ZFYVE28: variants seen among roughly 807,000 people sequenced by gnomAD.
The protein encoded by ZFYVE28 is lateral signaling target protein 2 homolog.
A neutral mutation model predicts 82.1 loss-of-function variants in ZFYVE28; 40 were observed. The observed-to-expected ratio is 0.49, with a 90% confidence interval of 0.38 to 0.63. The LOEUF is 0.63. Among genes scored for constraint, ZFYVE28 ranks in the 30% least tolerant of loss-of-function variants. ZFYVE28 has a pLI of 0.00. For missense variants in ZFYVE28, 1,321 were observed against 1,242.1 expected (o/e 1.06, Z -0.96); for synonymous variants, 612 against 546.1 (o/e 1.12, Z -1.68).
At chr4:2,415,425 G>A (rs926840631) in intron 1 of ZFYVE28, among the ~76,000 whole-genome samples, 1 of 143,324 alleles carries the variant, frequency 7.0e-6, no homozygotes, top group Non-Finnish European at 1.5e-5. Flanking sequence ...GAGTCCAGCC[G>A]GGGCAACATA....
intron 1 of ZFYVE28, among the ~76,000 whole-genome samples, chr4:2,400,925 G>C (rs1020263832): frequency 6.6e-6 from 1 of 152,144 alleles, no homozygotes; most frequent in African/African-American, 2.4e-5. Context: ...AATCCAATCA[G>C]GTTGGCAGTA....
intron 8 of ZFYVE28, among the ~76,000 whole-genome samples, chr4:2,291,687 C>T (rs144917560): frequency 6.6e-6 from 1 of 152,184 alleles, no homozygotes; most frequent in Non-Finnish European, 1.5e-5. Flanking sequence ...GCACTACAGG[C>T]CTGGACTCTG....
chr4:2,364,790 C>T, intron 1 of ZFYVE28: 9 of 985,556 alleles, frequency 9.1e-6, no homozygotes, highest in Non-Finnish European at 9.6e-6. Flanking sequence ...CGCCCACGGC[C>T]TCCGAGCGGG....
At chr4:2,290,927 T>C (rs997758170) in intron 8 of ZFYVE28, among the ~76,000 whole-genome samples, 1 of 152,194 alleles carries the variant, frequency 6.6e-6, no homozygotes, top group South Asian at 2.1e-4. Context: ...ATCCCACTAT[T>C]ATTATGGTCT....
chr4:2,368,006 A>C (rs1443931538), intron 1 of ZFYVE28, among the ~76,000 whole-genome samples: 1 of 152,152 alleles, frequency 6.6e-6, no homozygotes, highest in Non-Finnish European at 1.5e-5. Flanking sequence ...AGACAAGCCC[A>C]GGCTCTGCTG....
intron 1 of ZFYVE28, among the ~76,000 whole-genome samples, chr4:2,385,791 A>T (rs1209475344): frequency 1.3e-5 from 2 of 151,526 alleles, no homozygotes; most frequent in Non-Finnish European, 2.9e-5. Flanking sequence ...ACCCTCTCAC[A>T]CCCCCACTCC....
At chr4:2,399,047 C>CACAAGCGTGGAGGTGAGATCCAGGGG (rs1226678148) in intron 1 of ZFYVE28, among the ~76,000 whole-genome samples, 1 of 120,412 alleles carries the variant, frequency 8.3e-6, no homozygotes, top group South Asian at 2.5e-4. Context: ...AGATCCAGGG[C>CACAAGCGTGGAGGTGAGATCCAGGGG]ACAAGCGTGG....
intron 8 of ZFYVE28, among the ~76,000 whole-genome samples, chr4:2,281,896 A>G (rs17818992): frequency 0.039 from 5,899 of 152,312 alleles, 196 homozygotes; most frequent in African/African-American, 0.083. Flanking sequence ...CACATTAACA[A>G]TACAGAGCCG....
chr4:2,318,658 G>A lies in ZFYVE28; in HGVS notation c.803+1512C>T, dbSNP rs560675287. Among the ~76,000 whole-genome samples, 3 of 152,314 alleles carry A rather than the reference G, an allele frequency of 2.0e-5. No individual in the cohort carries two copies. The East Asian group carries it at 5.8e-4, about 29-fold the overall frequency. ...CATCGGGGCGGCAGGGCCAGCCTGT[G>A]GGTGCACACCTGGGTCCCCGCTGCC... On this transcript the variant is annotated intron_variant, in intron 7 of 12. Coordinates refer to ENST00000290974, the MANE Select transcript of ZFYVE28 (RefSeq NM_020972.3).
intron 1 of ZFYVE28, among the ~76,000 whole-genome samples, chr4:2,407,560 C>T (rs1188003394): frequency 6.6e-6 from 1 of 152,086 alleles, no homozygotes; most frequent in Non-Finnish European, 1.5e-5. Flanking sequence ...CCCCTGTTTT[C>T]GCTCCTGAAG....
intron 1 of ZFYVE28, among the ~76,000 whole-genome samples, chr4:2,360,004 C>T (rs1288131504): frequency 1.3e-5 from 2 of 152,326 alleles, no homozygotes; most frequent in East Asian, 1.9e-4. Flanking sequence ...AGCCTTTACC[C>T]ACCCCGGACA....
At chr4:2,327,229 G>C (rs1719963966) in intron 6 of ZFYVE28, among the ~76,000 whole-genome samples, 1 of 134,862 alleles carries the variant, frequency 7.4e-6, no homozygotes, top group African/African-American at 2.8e-5. Context: ...CAGCCTGGGT[G>C]ACGGAGCAAG....
chr4:2,320,392 AGCAC>A lies in ZFYVE28; in HGVS notation c.702-125_702-122del. 2.7e-6 allele frequency: 2 copies of A among 739,584 alleles called. No individual in the cohort carries two copies. The highest frequency in any genetic ancestry group is 4.5e-6 in the Non-Finnish European group (2 of 447,850). The allele number at this position is 739,584 out of a possible 1,614,324, so 45.8% of individuals were successfully genotyped here. The stretch of plus-strand genomic sequence containing the variant: ...TGGGACTCTGCAGCGCCACTGTCCC[AGCAC>A]GGCCGCCGCCTCATGCTTTGCCTTG... On this transcript the variant is annotated intron_variant, in intron 6 of 12. Transcript: ENST00000290974. This position sits in a 1 kb window ranked among gnomAD's most constrained non-coding sequence, Gnocchi z 5.1.
intron 3 of ZFYVE28, among the ~76,000 whole-genome samples, chr4:2,340,199 G>A (rs531675893): frequency 5.4e-4 from 82 of 152,262 alleles, no homozygotes; most frequent in East Asian, 1.4e-3. Flanking sequence ...CCAGAGAAAC[G>A]CAACCTTCCC....
rs1273135892 is a variant in ZFYVE28 at position 2,408,246 on chromosome 4, G to A, written c.39+10039C>T. Among the ~76,000 whole-genome samples the A allele has an allele frequency of 1.3e-5, 2 of 152,138 alleles. No individual in the cohort carries two copies. The highest frequency in any genetic ancestry group is 1.5e-5 in the Non-Finnish European group (1 of 68,014). ...CACCATGCCCTGGGCCTCCCTGTGAGTGCTCCCAAGAACATCCTACCAAGC... is the reference window on the plus strand; with the variant it reads ...CACCATGCCCTGGGCCTCCCTGTGAATGCTCCCAAGAACATCCTACCAAGC... On this transcript the variant is annotated intron_variant, in intron 1 of 12. Coordinates refer to ENST00000290974, the MANE Select transcript of ZFYVE28 (RefSeq NM_020972.3). This position sits in a 1 kb window ranked among gnomAD's most constrained non-coding sequence, Gnocchi z 4.3.
chr4:2,291,100 T>C (rs1399005604), intron 8 of ZFYVE28, among the ~76,000 whole-genome samples: 1 of 152,226 alleles, frequency 6.6e-6, no homozygotes, highest in Non-Finnish European at 1.5e-5. Flanking sequence ...TCTCGCACCT[T>C]GCAGGCGCTT....
chr4:2,279,759 A>AGGTG (rs1320448282), intron 8 of ZFYVE28, among the ~76,000 whole-genome samples: 1 of 151,776 alleles, frequency 6.6e-6, no homozygotes, highest in Admixed American at 6.6e-5. Flanking sequence ...CCAGCCTGAC[A>AGGTG]ACAGAGTGAG....
chr4:2,287,984 C>T (rs1402816149), intron 8 of ZFYVE28, among the ~76,000 whole-genome samples: 1 of 152,172 alleles, frequency 6.6e-6, no homozygotes. Flanking sequence ...CAGTTAGGAA[C>T]ACGAATTCCT....
Position 2,322,555 on chromosome 4 carries a change from C to CT in ZFYVE28, c.702-2285dup, listed in dbSNP as rs142730457. Among the ~76,000 whole-genome samples the CT allele has an allele frequency of 6.1e-3, 926 of 152,306 alleles. 9 individuals carry two copies. Among genetic ancestry groups the CT allele is most frequent in the African/African-American group, 0.021 (873 of 41,556 alleles). On this transcript the variant is annotated intron_variant, in intron 6 of 12. Coordinates refer to ENST00000290974, the MANE Select transcript of ZFYVE28 (RefSeq NM_020972.3). The stretch of plus-strand genomic sequence containing the variant: ...AGGACGCCCCGCACAGTGGAGAAAG[C>CT]TGGGCCCTGCTGGAAGTGGGGGTGG...
Sources: allele counts gnomAD v4.1 joint callset (sites outside exome capture counted in the v4.1 genomes callset), GRCh38; gene constraint gnomAD v4.1.1; non-coding constraint Gnocchi (gnomAD v3.1); transcripts MANE v1.5; gene names NCBI Gene and HGNC (gene_info 2026-07-23, HGNC 2026-07-21).